Variants in ST8SIA6 observed in about 807,000 individuals in gnomAD.
ST8SIA6 encodes the protein alpha-2,8-sialyltransferase 8F.
A neutral mutation model predicts 33.6 loss-of-function variants in ST8SIA6; 39 were observed. That is an observed-to-expected ratio of 1.16 (90% confidence interval 0.90 to 1.52). ST8SIA6 has a LOEUF of 1.52. ST8SIA6 is among the 40% of genes most tolerant of loss of function. ST8SIA6 has a pLI of 0.00. For missense variants in ST8SIA6, 441 were observed against 443.8 expected, an observed-to-expected ratio of 0.99 and a Z score of 0.06; for synonymous variants, 172 against 167.2, an observed-to-expected ratio of 1.03 and a Z score of -0.22.
intron 3 of ST8SIA6, among the ~76,000 whole-genome samples, chr10:17,362,174 G>A (rs1849413672): frequency 6.6e-6 from 1 of 151,988 alleles, no homozygotes; most frequent in Admixed American, 6.6e-5. Flanking sequence ...AAGAAGAAAA[G>A]GAAATAAAGC....
chr10:17,324,724 C>A (rs2131577162), intron 6 of ST8SIA6, among the ~76,000 whole-genome samples: 1 of 144,776 alleles, frequency 6.9e-6, no homozygotes, highest in African/African-American at 2.7e-5. Flanking sequence ...CACACACACA[C>A]ACACACACAC....
intron 2 of ST8SIA6, among the ~76,000 whole-genome samples, chr10:17,443,441 G>A (rs1191763728): frequency 6.6e-6 from 1 of 152,150 alleles, no homozygotes; most frequent in Non-Finnish European, 1.5e-5. Flanking sequence ...TGGGAATGCT[G>A]CATTTAAAAA....
intron 3 of ST8SIA6, among the ~76,000 whole-genome samples, chr10:17,378,745 A>C (rs7081695): frequency 6.6e-6 from 1 of 152,016 alleles, no homozygotes; most frequent in Admixed American, 6.6e-5. Flanking sequence ...AAGCATTTGC[A>C]AAAGTGTTCC....
At chr10:17,452,810 G>GT (rs1322045649) in intron 2 of ST8SIA6, among the ~76,000 whole-genome samples, 1 of 152,104 alleles carries the variant, frequency 6.6e-6, no homozygotes, top group Non-Finnish European at 1.5e-5. Flanking sequence ...GTAATGACAG[G>GT]TATAGGTCTA....
At chr10:17,346,276 A>C (rs1279229364) in intron 4 of ST8SIA6, among the ~76,000 whole-genome samples, 1 of 152,066 alleles carries the variant, frequency 6.6e-6, no homozygotes. Context: ...CTCTCAGATG[A>C]CTCCAGTGGA....
chr10:17,380,767 GTA>G (rs1850106136), intron 3 of ST8SIA6, among the ~76,000 whole-genome samples: 1 of 150,466 alleles, frequency 6.6e-6, no homozygotes, highest in African/African-American at 2.4e-5. Flanking sequence ...ATGTTTGTGT[GTA>G]TGTGTTCATG....
chr10:17,406,958 C>G (rs767056474), intron 2 of ST8SIA6, among the ~76,000 whole-genome samples: 7 of 152,092 alleles, frequency 4.6e-5, no homozygotes, highest in Non-Finnish European at 7.4e-5. Context: ...CCACACCTGG[C>G]TAATTTTTAT....
chr10:17,366,161 T>C (rs1849552841), intron 3 of ST8SIA6, among the ~76,000 whole-genome samples: 1 of 152,214 alleles, frequency 6.6e-6, no homozygotes, highest in South Asian at 2.1e-4. Flanking sequence ...GGCACCGACA[T>C]TTCATCCACT....
At chr10:17,332,542 G>A (rs1003232584) in intron 4 of ST8SIA6, among the ~76,000 whole-genome samples, 2 of 152,168 alleles carry the variant, frequency 1.3e-5, no homozygotes, top group African/African-American at 4.8e-5. Context: ...TTGGGTCACT[G>A]CAACCTCTGC....
chr10:17,343,662 G>A (rs1405815114), intron 4 of ST8SIA6, among the ~76,000 whole-genome samples: 1 of 152,050 alleles, frequency 6.6e-6, no homozygotes, highest in Non-Finnish European at 1.5e-5. Flanking sequence ...GATGAAGACA[G>A]AAGGCAAAAG....
Position 17,447,549 on chromosome 10 carries a change from A to C in ST8SIA6, c.200+6010T>G, listed in dbSNP as rs114948157. ...ATGCTAAAAATATTAGACTTATGCA[A>C]ATAAATACCAAGCTTATGACCAAGA... On this transcript the variant is annotated intron_variant, in intron 2 of 7. Transcript: ENST00000377602. Among the ~76,000 whole-genome samples, 1,176 of 152,314 alleles carry C rather than the reference A, an allele frequency of 7.7e-3. 8 individuals carry two copies. Among genetic ancestry groups the C allele is most frequent in the African/African-American group, 0.027 (1,120 of 41,586 alleles).
chr10:17,438,764 G>A (rs928150222), intron 2 of ST8SIA6, among the ~76,000 whole-genome samples: 10 of 152,182 alleles, frequency 6.6e-5, no homozygotes, highest in Non-Finnish European at 1.2e-4. Context: ...GACCTTTGCG[G>A]TATTTATTAA....
intron 4 of ST8SIA6, among the ~76,000 whole-genome samples, chr10:17,354,540 C>T (rs1849133720): frequency 6.6e-6 from 1 of 152,174 alleles, no homozygotes; most frequent in Non-Finnish European, 1.5e-5. Context: ...GAACAGAGAG[C>T]AGGACATCTT....
In ST8SIA6 at chr10:17,317,447, C is replaced by A. The variant is rs1847812101; in HGVS notation, c.*3431G>T. Among the ~76,000 whole-genome samples the A allele has an allele frequency of 6.6e-6, 1 of 152,128 alleles. No homozygotes were observed. The highest frequency in any genetic ancestry group is 1.5e-5 in the Non-Finnish European group (1 of 68,028). Reference sequence around the variant, plus strand: ...GCAGCCTCAAGTGGATTTATCAGATCAAGTGCATCAGATATATCAGATGAA... The same window carrying A: ...GCAGCCTCAAGTGGATTTATCAGATAAAGTGCATCAGATATATCAGATGAA... On this transcript the variant is annotated 3_prime_UTR_variant, in exon 8 of 8. Coordinates refer to ENST00000377602, the MANE Select transcript of ST8SIA6 (RefSeq NM_001004470.3).
chr10:17,323,629 C>T (rs1848033657), intron 6 of ST8SIA6, among the ~76,000 whole-genome samples: 1 of 152,026 alleles, frequency 6.6e-6, no homozygotes, highest in Admixed American at 6.5e-5. Context: ...AAGTGATCCA[C>T]CTGCCTTGGC....
At chr10:17,398,206 A>G (rs1215544957) in intron 2 of ST8SIA6, among the ~76,000 whole-genome samples, 1 of 152,164 alleles carries the variant, frequency 6.6e-6, no homozygotes, top group Non-Finnish European at 1.5e-5. Flanking sequence ...GCATGCCTGT[A>G]ATCCCAGCTA....
In ST8SIA6 at chr10:17,374,748, A is replaced by AAAATATATATATATATATATATATAT. The variant is rs1344895365; in HGVS notation, c.291-15149_291-15148insATATATATATATATATATATATATTT. On this transcript the variant is annotated intron_variant, in intron 3 of 7. Coordinates refer to ENST00000377602, the MANE Select transcript of ST8SIA6 (RefSeq NM_001004470.3). The stretch of plus-strand genomic sequence containing the variant: ...TAAATAAATAAATAAATAAATAAAT[A>AAAATATATATATATATATATATATAT]ATAAATATATATATATATATTTAGC... Among the ~76,000 whole-genome samples the AAAATATATATATATATATATATATAT allele has an allele frequency of 6.4e-4, 43 of 67,624 alleles. 1 individual carries two copies. Among genetic ancestry groups the AAAATATATATATATATATATATATAT allele is most frequent in the East Asian group, 2.9e-3 (4 of 1,372 alleles). The allele number at this position is 67,624 out of a possible 152,430, so 44.4% of individuals were successfully genotyped here.
At chr10:17,444,482 G>C (rs944286932) in intron 2 of ST8SIA6, among the ~76,000 whole-genome samples, 3 of 152,148 alleles carry the variant, frequency 2.0e-5, no homozygotes, top group African/African-American at 4.8e-5. Context: ...TTCATGAACT[G>C]CTGCCCTGTT....
intron 3 of ST8SIA6, among the ~76,000 whole-genome samples, chr10:17,378,068 G>T (rs760553970): frequency 1.3e-5 from 2 of 152,160 alleles, no homozygotes; most frequent in Non-Finnish European, 2.9e-5. Flanking sequence ...GCTGAAAATT[G>T]CGTGTGTTTA....
Sources: allele counts gnomAD v4.1 joint callset (sites outside exome capture counted in the v4.1 genomes callset), GRCh38; gene constraint gnomAD v4.1.1; transcripts MANE v1.5; gene names NCBI Gene and HGNC (gene_info 2026-07-23, HGNC 2026-07-21).